The following RYR2 variants were observed in gnomAD, a reference collection of about 807,000 sequenced individuals.
RYR2 encodes the protein ryanodine receptor 2, also known as cardiac muscle ryanodine receptor-calcium release channel.
Under a neutral mutation model 601.1 loss-of-function variants are expected in RYR2, and 227 were observed. The ratio of observed to expected loss-of-function variants is 0.38; its 90% CI spans 0.34 to 0.42. The LOEUF (loss-of-function observed/expected upper bound fraction) is 0.42, where lower values mean the gene tolerates loss of function less well. Ranked by LOEUF, RYR2 falls within the 10% of genes least tolerant of loss-of-function variation. The pLI is 1.00. For synonymous variants in RYR2, 2,223 were observed against 2,175.1 expected, an observed-to-expected ratio of 1.02 and a Z score of -0.61; for missense variants, 4,646 against 6,156.5, an observed-to-expected ratio of 0.75 and a Z score of 8.21.
At chr1:237,294,265 C>G (rs955599739) in intron 2 of RYR2, among the ~76,000 whole-genome samples, 1 of 152,116 alleles carries the variant, frequency 6.6e-6, no homozygotes, top group East Asian at 1.9e-4. Context: ...TTCAGTCTCC[C>G]ATGTTCATGG....
chr1:237,469,492 TTAAG>T (rs1161693312), intron 17 of RYR2, among the ~76,000 whole-genome samples: 2 of 151,982 alleles, frequency 1.3e-5, no homozygotes, highest in Non-Finnish European at 2.9e-5. Flanking sequence ...TTAAATTATG[TTAAG>T]TATTTTTATT....
chr1:237,317,194 G>T (rs1333224193), intron 2 of RYR2, among the ~76,000 whole-genome samples: 2 of 152,084 alleles, frequency 1.3e-5, no homozygotes, highest in African/African-American at 4.8e-5. Flanking sequence ...AAAAAGCAAA[G>T]AATGTTTTGC....
chr1:237,201,611 G>A (rs1027199626), intron 1 of RYR2, among the ~76,000 whole-genome samples: 1 of 152,058 alleles, frequency 6.6e-6, no homozygotes, highest in African/African-American at 2.4e-5. Context: ...ACACAAACTG[G>A]CATTAGCATC....
rs193079583 is a variant in RYR2 at position 237,728,377 on chromosome 1, T to G, written c.10838+1178T>G. ...TGTCACCTTTTGGTCAGATAGAATATTAACCTTAATATCTAGAACCAGAAA... is the reference window on the plus strand; with the variant it reads ...TGTCACCTTTTGGTCAGATAGAATAGTAACCTTAATATCTAGAACCAGAAA... On this transcript the variant is annotated intron_variant, in intron 76 of 104. Transcript: ENST00000366574. Among the ~76,000 whole-genome samples, 43 of 152,194 alleles carry G rather than the reference T, an allele frequency of 2.8e-4. 2 individuals carry two copies. In the East Asian group the frequency reaches 7.6e-3, roughly 27 times the overall value.
intron 10 of RYR2, among the ~76,000 whole-genome samples, chr1:237,393,884 G>A (rs1702597354): frequency 6.6e-6 from 1 of 152,184 alleles, no homozygotes; most frequent in African/African-American, 2.4e-5. Flanking sequence ...CAAGGACTGG[G>A]TAAAATGACT....
In RYR2 at chr1:237,807,449, T is replaced by C. The variant is rs954575710; in HGVS notation, c.14298+1166T>C. 3.3e-5 allele frequency among the ~76,000 whole-genome samples: 5 copies of C among 152,178 alleles called. No homozygotes were observed. The East Asian group carries it at 9.6e-4, about 29-fold the overall frequency. On this transcript the variant is annotated intron_variant, in intron 99 of 104. Transcript: ENST00000366574. ...CACTGCAACCTCCGCCTCCCTAGGT[T>C]CAAGTGATTCTCCTGCCTCAGCCTC...
intron 1 of RYR2, among the ~76,000 whole-genome samples, chr1:237,123,858 G>A (rs12086862): frequency 0.057 from 8,598 of 151,496 alleles, 829 homozygotes; most frequent in African/African-American, 0.2. Context: ...TAGTAGAGAC[G>A]GGGTTTCACC....
intron 2 of RYR2, among the ~76,000 whole-genome samples, chr1:237,306,032 A>G (rs931608146): frequency 1.3e-5 from 2 of 152,226 alleles, no homozygotes; most frequent in African/African-American, 4.8e-5. Context: ...TTGGCAATAC[A>G]TGAAAAATTA....
intron 8 of RYR2, among the ~76,000 whole-genome samples, chr1:237,384,157 T>G (rs781512924): frequency 1.3e-5 from 2 of 152,240 alleles, no homozygotes; most frequent in African/African-American, 2.4e-5. Flanking sequence ...TTTATATGAC[T>G]GTAATATGAT....
chr1:237,499,326 A>G (rs1664394672), intron 20 of RYR2, among the ~76,000 whole-genome samples: 1 of 152,178 alleles, frequency 6.6e-6, no homozygotes, highest in African/African-American at 2.4e-5. Context: ...GGTGTTTGAG[A>G]GGACCAAAAG....
At chr1:237,205,644 G>T (rs1343297869) in intron 1 of RYR2, among the ~76,000 whole-genome samples, 1 of 152,206 alleles carries the variant, frequency 6.6e-6, no homozygotes, top group Non-Finnish European at 1.5e-5. Flanking sequence ...GTCCTGGATT[G>T]CCCCAGAAGA....
At chr1:237,673,873 T>C (rs531211036) in intron 58 of RYR2, among the ~76,000 whole-genome samples, 3 of 152,216 alleles carry the variant, frequency 2.0e-5, no homozygotes, top group Non-Finnish European at 2.9e-5. Flanking sequence ...TGCATGTTCA[T>C]GTTTTAACTG....
At chr1:237,399,087 C>T (rs766136847) in intron 10 of RYR2, among the ~76,000 whole-genome samples, 22 of 152,120 alleles carry the variant, frequency 1.4e-4, no homozygotes, top group Non-Finnish European at 2.4e-4. Context: ...CCCAGTTACA[C>T]AGGAGCCTGA....
intron 31 of RYR2, 118 bp downstream of exon 31, chr1:237,591,110 C>G: frequency 6.2e-6 from 1 of 162,350 alleles, no homozygotes; most frequent in South Asian, 8.9e-5. Flanking sequence ...TCCTCCTCCT[C>G]CTCTTCCCCC....
At chr1:237,539,486 A>T (rs1352957177) in intron 25 of RYR2, among the ~76,000 whole-genome samples, 1 of 152,232 alleles carries the variant, frequency 6.6e-6, no homozygotes, top group Non-Finnish European at 1.5e-5. Context: ...AGTTCAATAT[A>T]TCAATTGGAA....
chr1:237,697,070 C>T (rs542487593), intron 63 of RYR2, among the ~76,000 whole-genome samples: 1 of 152,098 alleles, frequency 6.6e-6, no homozygotes, highest in Non-Finnish European at 1.5e-5. Flanking sequence ...CTCTCCCAAC[C>T]TCTCCAACTC....
intron 10 of RYR2, among the ~76,000 whole-genome samples, chr1:237,408,184 G>C (rs1276790625): frequency 6.6e-6 from 1 of 151,784 alleles, no homozygotes; most frequent in Admixed American, 6.6e-5. Flanking sequence ...CAGTTTTATA[G>C]TTCTCTGTGT....
chr1:237,220,486 C>G (rs757198767), intron 1 of RYR2, among the ~76,000 whole-genome samples: 22 of 152,302 alleles, frequency 1.4e-4, no homozygotes, highest in Middle Eastern at 3.4e-3. Context: ...TTCTCTGATT[C>G]TCTAGCTTGC....
In RYR2 at chr1:237,550,547, G is replaced by T. The variant is rs1291873158; in HGVS notation, c.3070G>T (p.Val1024Leu). 3.4e-5 allele frequency: 54 copies of T among 1,608,670 alleles called. No individual in the cohort carries two copies. Among genetic ancestry groups the T allele is most frequent in the Non-Finnish European group, 4.0e-5 (47 of 1,177,658 alleles). Reference sequence around the variant, plus strand: ...TGCACCCTGTGTTTTCCTGCAGGACGTAAAGAACAGAAGAAATCCTCGCCT... The same window carrying T: ...TGCACCCTGTGTTTTCCTGCAGGACTTAAAGAACAGAAGAAATCCTCGCCT... Reference protein sequence around the residue: ...QGWTYGIQQDVKNRRNPRLVP... With the variant: ...QGWTYGIQQDLKNRRNPRLVP... The change falls in exon 27 of 105, where the codon GTA becomes TTA. Residue 1024 changes from valine (V) to leucine (L), a missense_variant. Transcript: ENST00000366574.
Sources: allele counts gnomAD v4.1 joint callset (sites outside exome capture counted in the v4.1 genomes callset), GRCh38; gene constraint gnomAD v4.1.1; transcripts MANE v1.5; gene names NCBI Gene and HGNC (gene_info 2026-07-23, HGNC 2026-07-21).